ANTXR1: variants seen among roughly 807,000 people sequenced by gnomAD.
ANTXR1 encodes ANTXR cell adhesion molecule 1.
ANTXR1 carries 19 observed loss-of-function variants against 78.1 expected under a neutral mutation model. That is an observed-to-expected ratio of 0.24 (90% confidence interval 0.17 to 0.36). The LOEUF is 0.36. Among genes scored for constraint, ANTXR1 ranks in the 10% least tolerant of loss-of-function variants. The pLI, the probability that ANTXR1 is intolerant of heterozygous loss-of-function variation, is 1.00. For missense variants in ANTXR1, 518 were observed against 718.6 expected, an observed-to-expected ratio of 0.72 and a Z score of 3.19; for synonymous variants, 273 against 260.5, an observed-to-expected ratio of 1.05 and a Z score of -0.46.
rs545179301 is a variant in ANTXR1 at position 69,124,542 on chromosome 2, T to C, written c.873-23T>C. 1.9e-6 allele frequency: 3 copies of C among 1,611,668 alleles called. No individual in the cohort carries two copies. The South Asian group carries it at 3.3e-5, about 18-fold the overall frequency. On this transcript the variant is annotated intron_variant, in intron 11 of 17. Transcript: ENST00000303714. ...CTCATTGCACGCCCTGCTGAGAGTC[T>C]GCTTCCCTTGTTGTCATTGCAGGAA... is the stretch of plus-strand genomic sequence containing the variant.
intron 16 of ANTXR1, among the ~76,000 whole-genome samples, chr2:69,189,655 G>A (rs750930593): frequency 2.0e-5 from 3 of 152,230 alleles, no homozygotes; most frequent in Non-Finnish European, 4.4e-5. Context: ...AGGGGTGGAT[G>A]GGAAGAGGCG....
At chr2:69,070,989 C>T (rs966524507) in intron 4 of ANTXR1, among the ~76,000 whole-genome samples, 1 of 152,186 alleles carries the variant, frequency 6.6e-6, no homozygotes, top group Non-Finnish European at 1.5e-5. Flanking sequence ...TCACGCCACA[C>T]ACAAGTCCCG....
intron 1 of ANTXR1, among the ~76,000 whole-genome samples, chr2:69,019,660 A>G (rs565543073): frequency 1.3e-5 from 2 of 152,274 alleles, no homozygotes; most frequent in East Asian, 1.9e-4. Context: ...GTTTTGTTGT[A>G]CAGATTATTT....
At chr2:69,047,032 A>G (rs185451350) in intron 3 of ANTXR1, among the ~76,000 whole-genome samples, 10 of 152,338 alleles carry the variant, frequency 6.6e-5, no homozygotes, top group Non-Finnish European at 1.5e-4. Context: ...CCAATTATAC[A>G]CAGGTATTTT....
intron 3 of ANTXR1, among the ~76,000 whole-genome samples, chr2:69,046,259 C>T (rs997278467): frequency 2.6e-5 from 4 of 152,182 alleles, no homozygotes; most frequent in African/African-American, 9.7e-5. Context: ...TCACACATCA[C>T]TTGCAGGTGC....
intron 17 of ANTXR1, among the ~76,000 whole-genome samples, chr2:69,231,771 G>C (rs1397240594): frequency 1.3e-5 from 2 of 152,208 alleles, no homozygotes; most frequent in East Asian, 1.9e-4. Context: ...AGGCCAGCCA[G>C]GATTTCTTAC....
At chr2:69,182,223 G>A (rs369459189) in intron 15 of ANTXR1, among the ~76,000 whole-genome samples, 3 of 151,990 alleles carry the variant, frequency 2.0e-5, no homozygotes, top group East Asian at 3.9e-4. Context: ...TCCAAAGTTC[G>A]TACCTGAACC....
Position 69,152,152 on chromosome 2 carries a change from C to T in ANTXR1, c.952-17C>T. 1 of 1,613,450 alleles carries T rather than the reference C, an allele frequency of 6.2e-7. No homozygotes were observed. Among genetic ancestry groups the T allele is most frequent in the Non-Finnish European group, 8.5e-7 (1 of 1,179,628 alleles). Reference sequence around the variant, plus strand: ...GGTCCCATCCCGCTGCTGACCGCCTCTCTCTTGGCCCTGCAGTCTGACGGT... The same window carrying T: ...GGTCCCATCCCGCTGCTGACCGCCTTTCTCTTGGCCCTGCAGTCTGACGGT... On this transcript the variant is annotated splice_polypyrimidine_tract_variant and intron_variant, in intron 12 of 17. Transcript: ENST00000303714.
Position 69,039,988 on chromosome 2 carries a change from C to G in ANTXR1, c.153-56C>G. 2.9e-6 allele frequency: 4 copies of G among 1,402,630 alleles called. No homozygotes were observed. The South Asian group carries it at 4.7e-5, about 16-fold the overall frequency. The allele number at this position is 1,402,630 out of a possible 1,614,324, so 86.9% of individuals were successfully genotyped here. A position where few individuals can be genotyped will look rare whatever the true frequency, so the allele number is the denominator to read the frequency against. On this transcript the variant is annotated intron_variant, in intron 1 of 17. Transcript: ENST00000303714. ...TAACAGAATGTGAAGATAAATAATA[C>G]AAGGTAAAGACAAGTAAACACCTGA...
At chr2:69,049,147 C>G (rs1022826506) in intron 3 of ANTXR1, among the ~76,000 whole-genome samples, 4 of 151,962 alleles carry the variant, frequency 2.6e-5, no homozygotes, top group African/African-American at 9.7e-5. Flanking sequence ...TACTGAACTC[C>G]ATAAAATGAT....
At chr2:69,221,625 CAGAG>C (rs1330215757) in intron 17 of ANTXR1, among the ~76,000 whole-genome samples, 1 of 146,532 alleles carries the variant, frequency 6.8e-6, no homozygotes, top group Non-Finnish European at 1.5e-5. Context: ...ACAGAACAAC[CAGAG>C]AGAGACTCTC....
intron 2 of ANTXR1, among the ~76,000 whole-genome samples, chr2:69,042,115 A>G (rs1460832755): frequency 6.6e-6 from 1 of 152,196 alleles, no homozygotes; most frequent in Non-Finnish European, 1.5e-5. Flanking sequence ...CAGGGGGGAA[A>G]TTCATTCAAT....
chr2:69,112,896 T>C (rs1406290765), intron 10 of ANTXR1, among the ~76,000 whole-genome samples: 1 of 152,178 alleles, frequency 6.6e-6, no homozygotes, highest in African/African-American at 2.4e-5. Context: ...TTTACTGCCA[T>C]AATCTAGAAT....
chr2:69,189,366 G>A (rs558251300), intron 16 of ANTXR1, among the ~76,000 whole-genome samples: 3 of 152,242 alleles, frequency 2.0e-5, no homozygotes, highest in South Asian at 2.1e-4. Context: ...CTTATCCATC[G>A]GTAAATAGAC....
intron 17 of ANTXR1, among the ~76,000 whole-genome samples, chr2:69,202,726 C>T (rs768922591): frequency 2.0e-5 from 3 of 152,134 alleles, no homozygotes; most frequent in Admixed American, 6.5e-5. Flanking sequence ...GCTCTGTTCT[C>T]CCTGTGATGT....
chr2:69,070,396 GAA>G (rs748913838), intron 3 of ANTXR1, among the ~76,000 whole-genome samples: 2 of 152,182 alleles, frequency 1.3e-5, no homozygotes, highest in Non-Finnish European at 2.9e-5. Flanking sequence ...TAAGGGAAAG[GAA>G]AGTGTTTACA....
chr2:69,243,066 CAG>C (rs1465068027), intron 17 of ANTXR1, among the ~76,000 whole-genome samples: 2 of 152,236 alleles, frequency 1.3e-5, no homozygotes, highest in African/African-American at 4.8e-5. Flanking sequence ...CTCAGAGAAA[CAG>C]GGGTGCTGGC....
At chr2:69,139,828 G>C (rs146371115) in intron 12 of ANTXR1, among the ~76,000 whole-genome samples, 1 of 152,196 alleles carries the variant, frequency 6.6e-6, no homozygotes. Flanking sequence ...TACATTAACG[G>C]TAAGTAAACG....
intron 17 of ANTXR1, among the ~76,000 whole-genome samples, chr2:69,193,825 C>T (rs1674600856): frequency 6.6e-6 from 1 of 152,182 alleles, no homozygotes; most frequent in Non-Finnish European, 1.5e-5. Flanking sequence ...TGGTGCATCA[C>T]AGAGTACCAG....
Sources: gnomAD v4.1 joint callset for allele counts (sites outside exome capture counted in the v4.1 genomes callset) on GRCh38, gnomAD v4.1.1 for gene constraint, MANE v1.5 for transcripts, NCBI Gene and HGNC (gene_info 2026-07-23, HGNC 2026-07-21) for gene names.